PDE1C: variants seen among roughly 807,000 people sequenced by gnomAD.
PDE1C encodes the protein dual specificity calcium/calmodulin-dependent 3',5'-cyclic nucleotide phosphodiesterase 1C.
In PDE1C, 62 loss-of-function variants were observed where a neutral mutation model predicts 93.1. The ratio of observed to expected loss-of-function variants is 0.67; its 90% CI spans 0.54 to 0.82. The LOEUF is 0.82. Ranked by LOEUF, PDE1C falls within the 40% of genes least tolerant of loss-of-function variation. The pLI is 0.00. For missense variants in PDE1C, 742 were observed against 884.6 expected (o/e 0.84, Z 2.04); for synonymous variants, 325 against 310.1 (o/e 1.05, Z -0.50).
intron 1 of PDE1C, among the ~76,000 whole-genome samples, chr7:32,407,377 C>G (rs902643850): frequency 1.3e-5 from 2 of 152,138 alleles, no homozygotes; most frequent in Non-Finnish European, 2.9e-5. Flanking sequence ...GAAGAACAGC[C>G]TCCAATCAAA....
At chr7:32,414,663 T>A (rs540832079) in intron 1 of PDE1C, among the ~76,000 whole-genome samples, 1 of 152,176 alleles carries the variant, frequency 6.6e-6, no homozygotes, top group Non-Finnish European at 1.5e-5. Flanking sequence ...TCACAAAAAG[T>A]GGAGAGAGGA....
At chr7:32,426,186 G>A (rs964526901) in intron 1 of PDE1C, among the ~76,000 whole-genome samples, 3 of 151,140 alleles carry the variant, frequency 2.0e-5, no homozygotes, top group Admixed American at 2.0e-4. Flanking sequence ...CCTTACTCTT[G>A]TACTATATTT....
chr7:31,690,692 G>C, the PDE1C span, among the ~76,000 whole-genome samples: 1 of 152,190 alleles, frequency 6.6e-6, no homozygotes, highest in African/African-American at 2.4e-5. Flanking sequence ...TAGGATCCAA[G>C]TTAAAAACCG....
chr7:31,909,500 T>C (rs1457706756), intron 2 of PDE1C, among the ~76,000 whole-genome samples: 2 of 152,030 alleles, frequency 1.3e-5, no homozygotes, highest in African/African-American at 2.4e-5. Flanking sequence ...AATATATACA[T>C]ATATATATTT....
intron 1 of PDE1C, among the ~76,000 whole-genome samples, chr7:32,297,670 C>T (rs1812668316): frequency 6.6e-6 from 1 of 152,168 alleles, no homozygotes; most frequent in South Asian, 2.1e-4. Flanking sequence ...GTCCCCAAAA[C>T]CCCCTCTGGT....
At chr7:32,319,765 G>T (rs1273786889) in intron 1 of PDE1C, among the ~76,000 whole-genome samples, 2 of 152,108 alleles carry the variant, frequency 1.3e-5, no homozygotes, top group Admixed American at 1.3e-4. Context: ...GACCGCTCTG[G>T]GTATGAAGGC....
chr7:32,317,357 A>G (rs1783196611), intron 1 of PDE1C, among the ~76,000 whole-genome samples: 2 of 152,092 alleles, frequency 1.3e-5, no homozygotes, highest in Admixed American at 6.6e-5. Flanking sequence ...ACATGAAGAT[A>G]CTGAGGCCCA....
chr7:31,920,808 T>C (rs1802527565), intron 2 of PDE1C, among the ~76,000 whole-genome samples: 2 of 152,210 alleles, frequency 1.3e-5, no homozygotes, highest in Non-Finnish European at 2.9e-5. Flanking sequence ...AAATGTGGTA[T>C]GACTATTTTC....
At chr7:31,692,149 GA>G in the PDE1C span, among the ~76,000 whole-genome samples, 6 of 152,300 alleles carry the variant, frequency 3.9e-5, no homozygotes, top group Admixed American at 1.3e-4. Flanking sequence ...GTCTCTGAGA[GA>G]GGGCAAATAT....
chr7:31,933,133 G>A (rs1332183489), intron 2 of PDE1C, among the ~76,000 whole-genome samples: 2 of 152,070 alleles, frequency 1.3e-5, no homozygotes, highest in African/African-American at 4.8e-5. Context: ...TTAAAACCTA[G>A]ATGATGGGTT....
At chr7:31,712,638 C>A in the PDE1C span, among the ~76,000 whole-genome samples, 1 of 152,136 alleles carries the variant, frequency 6.6e-6, no homozygotes, top group African/African-American at 2.4e-5. Flanking sequence ...AATGCCATGG[C>A]CAGCTGTGTT....
At chr7:32,291,582 C>T (rs950675796) in intron 1 of PDE1C, among the ~76,000 whole-genome samples, 5 of 152,210 alleles carry the variant, frequency 3.3e-5, no homozygotes, top group African/African-American at 1.2e-4. Flanking sequence ...GGTTATTAAA[C>T]GTCACTATAA....
At chr7:31,629,279 A>C in the PDE1C span, among the ~76,000 whole-genome samples, 7 of 26,574 alleles carry the variant, frequency 2.6e-4, no homozygotes, top group Admixed American at 1.8e-3. Context: ...GTGTTTAAAC[A>C]ACACAATCTT....
upstream of PDE1C, among the ~76,000 whole-genome samples, chr7:32,302,370 A>G (rs1487801187): frequency 6.6e-6 from 1 of 152,234 alleles, no homozygotes; most frequent in African/African-American, 2.4e-5. Flanking sequence ...GATCCAGTCA[A>G]TAGCTAAGAC....
In PDE1C at chr7:32,366,868, C is replaced by CAAA. The variant is rs141845086; in HGVS notation, c.310+60951_310+60953dup. 2.7e-3 allele frequency among the ~76,000 whole-genome samples: 387 copies of CAAA among 144,320 alleles called. 8 individuals are homozygous for CAAA. The highest frequency in any genetic ancestry group is 3.5e-3 in the Middle Eastern group (1 of 286). The allele number at this position is 144,320 out of a possible 152,430, so 94.7% of individuals were successfully genotyped here. Reference sequence around the variant, plus strand: ...TGAAACCCCGTCACTACTAAAAATACAAAAAAAAAAATTAGCCAGGCATGG... The same window carrying CAAA: ...TGAAACCCCGTCACTACTAAAAATACAAAAAAAAAAAAAATTAGCCAGGCATGG... On this transcript the variant is annotated intron_variant, in intron 1 of 1. Transcript: ENST00000672256.
At chr7:32,226,192 C>G (rs1043186829) in intron 1 of PDE1C, among the ~76,000 whole-genome samples, 2 of 152,184 alleles carry the variant, frequency 1.3e-5, no homozygotes, top group Non-Finnish European at 2.9e-5. Flanking sequence ...GGTTTTAAAG[C>G]CCCGTCTCTA....
intron 1 of PDE1C, among the ~76,000 whole-genome samples, chr7:32,363,170 G>A (rs1784167976): frequency 6.6e-6 from 1 of 152,150 alleles, no homozygotes; most frequent in South Asian, 2.1e-4. Flanking sequence ...TTAGAAAGGG[G>A]GCATATTTAT....
At chr7:32,336,725 C>T (rs117373272) in intron 1 of PDE1C, among the ~76,000 whole-genome samples, 4,038 of 152,288 alleles carry the variant, frequency 0.027, 78 homozygotes, top group Non-Finnish European at 0.044. Context: ...AAGGGAATTT[C>T]CCTTGCTACA....
intron 2 of PDE1C, among the ~76,000 whole-genome samples, chr7:31,953,457 T>C (rs1807689487): frequency 6.6e-6 from 1 of 152,192 alleles, no homozygotes. Context: ...TTACTGAAAT[T>C]ACAGGGAGCC....
Sources: gnomAD v4.1 joint callset for allele counts (sites outside exome capture counted in the v4.1 genomes callset) on GRCh38, gnomAD v4.1.1 for gene constraint, MANE v1.5 for transcripts, NCBI Gene and HGNC (gene_info 2026-07-23, HGNC 2026-07-21) for gene names.